Variants in TMEM63A observed in about 807,000 individuals in gnomAD.
The protein encoded by TMEM63A is transmembrane protein 63A.
A neutral mutation model predicts 100.6 loss-of-function variants in TMEM63A; 76 were observed. The ratio of observed to expected loss-of-function variants is 0.76; its 90% confidence interval spans 0.63 to 0.91. The LOEUF (loss-of-function observed/expected upper bound fraction) is 0.91. Among genes scored for constraint, TMEM63A ranks in the 40% least tolerant of loss-of-function variants. TMEM63A has a pLI of 0.00. For synonymous variants in TMEM63A, 401 were observed against 401.1 expected (o/e 1.00, Z 0.00); for missense variants, 876 against 1,008.8 (o/e 0.87, Z 1.78).
At chr1:225,840,673 C>T (rs2102765093), downstream of TMEM63A, among the ~76,000 whole-genome samples, 1 of 152,322 alleles carries the variant, frequency 6.6e-6, no homozygotes, top group Non-Finnish European at 1.5e-5. Context: ...GAGTCATTCG[C>T]ATTACCCTCA....
rs372366088 is a variant in TMEM63A, at chr1:225,856,726, G to C, written c.1497C>G (p.Asn499Lys). The C allele has an allele frequency of 1.1e-5, 18 of 1,613,488 alleles. No individual in the cohort carries two copies. The East Asian group carries it at 2.2e-4, about 20-fold the overall frequency. Residue 499 changes from asparagine to lysine, a missense_variant, in exon 17 of 25, where the codon AAC (asparagine) becomes AAG (lysine). Around this residue, in one of 5 missense-constraint regions of TMEM63A, gnomAD observed 487 missense variants for 581.9 expected, o/e 0.84. Transcript: ENST00000366835. ...TGTAGACTTTGGTCATCATGATCTG[G>C]TTTTCCCCCGACCTGCAGGAAGTCA... is the stretch of plus-strand genomic sequence containing the variant. ...LESHWTKSGE[N>K]QIMMTKVYIF...
downstream of TMEM63A, chr1:225,840,761 G>A (rs770859779): frequency 3.4e-4 from 52 of 153,946 alleles, 1 homozygote; most frequent in African/African-American, 5.1e-4. Flanking sequence ...ACGTCAGTCC[G>A]GAAGGTCTGC....
intron 8 of TMEM63A, 46 bp from the exon 9 acceptor site, chr1:225,866,728 G>T: frequency 6.3e-7 from 1 of 1,578,766 alleles, no homozygotes; most frequent in South Asian, 1.1e-5. Flanking sequence ...CCCAGGCAGG[G>T]AGCTGGGGGT....
At chr1:225,856,078 G>T in intron 17 of TMEM63A, 138 bp from the exon 18 acceptor site, 1 of 813,414 alleles carries the variant, frequency 1.2e-6, no homozygotes, top group Non-Finnish European at 2.0e-6. Flanking sequence ...CACTTACTAC[G>T]GCATGACCTG....
rs151265418 is a variant in TMEM63A, at chr1:225,874,305, C to T, written c.249G>A (p.Leu83=). The change falls in exon 4 of 25, where the codon CTG becomes CTA. Residue 83 remains leucine, a synonymous_variant. Coordinates refer to ENST00000366835, the MANE Select transcript of TMEM63A (RefSeq NM_014698.3). The stretch of plus-strand genomic sequence containing the variant: ...GTCTTTACCTGTCTGCTTCTGACAC[C>T]AGGGCAATGCGGCCATAGTCCCAGA... The part of the protein sequence containing the change: ...RRFWDYGRIA[L]VSEADSESRF... 4 of 1,613,962 alleles carry T rather than the reference C, an allele frequency of 2.5e-6. No homozygotes were observed. The highest frequency in any genetic ancestry group is 1.3e-5 in the African/African-American group (1 of 74,914).
chr1:225,852,256 G>A (rs1167649609), intron 20 of TMEM63A, among the ~76,000 whole-genome samples: 3 of 152,204 alleles, frequency 2.0e-5, no homozygotes, highest in Admixed American at 6.5e-5. Context: ...AGGCTGAGGC[G>A]GGTGGATCAC....
chr1:225,848,445 A>T, intron 23 of TMEM63A, 47 bp downstream of exon 23: 1 of 1,607,670 alleles, frequency 6.2e-7, no homozygotes, highest in Non-Finnish European at 8.5e-7. Flanking sequence ...TTACAACCAA[A>T]GCAAAAAAAA....
At chr1:225,845,534 G>C (rs1386748534), downstream of TMEM63A, 1 of 632,230 alleles carries the variant, frequency 1.6e-6, no homozygotes, top group East Asian at 2.7e-5. Context: ...AAGCAACATG[G>C]CTTTGATGAT....
At chr1:225,844,724 A>C, downstream of TMEM63A, 2 of 1,548,836 alleles carry the variant, frequency 1.3e-6, no homozygotes, top group Non-Finnish European at 1.7e-6. Context: ...GGATAAGTAT[A>C]GCCTTGCCTG....
intron 14 of TMEM63A, chr1:225,860,533 T>C (rs1340959064): frequency 3.3e-5 from 7 of 214,922 alleles, no homozygotes; most frequent in Non-Finnish European, 5.5e-5. Flanking sequence ...TTTGGATATA[T>C]TGGGCGAGAT....
rs1576118566 is a variant in TMEM63A, at chr1:225,877,013, T to C, written c.186+382A>G. The stretch of plus-strand genomic sequence containing the variant: ...GGAACAGGAGGTGACACTTGGGAAC[T>C]GCAGCTGCTCTATTCTAGTCCGTAC... On this transcript the variant is annotated intron_variant, in intron 3 of 24. Transcript: ENST00000366835. 3.3e-5 allele frequency among the ~76,000 whole-genome samples: 5 copies of C among 152,302 alleles called. No individual in the cohort carries two copies. In the South Asian group the frequency reaches 1.0e-3, roughly 32 times the overall value.
At chr1:225,863,927 AAAAAAAAAAAAAAC>A (rs1470692603) in intron 10 of TMEM63A, 2 of 149,126 alleles carry the variant, frequency 1.3e-5, no homozygotes, top group Non-Finnish European at 1.5e-5. Context: ...AAAAAAAAAA[AAAAAAAAAAAAAAC>A]CCAGCAAAAT....
chr1:225,842,243 G>A, downstream of TMEM63A: 2 of 763,128 alleles, frequency 2.6e-6, no homozygotes, highest in Non-Finnish European at 4.7e-6. Context: ...GCAGGCCTGT[G>A]CTCGAACGTG....
chr1:225,849,750 G>A (rs1428012501), intron 21 of TMEM63A, among the ~76,000 whole-genome samples, 162 bp downstream of exon 21: 1 of 152,084 alleles, frequency 6.6e-6, no homozygotes, highest in Non-Finnish European at 1.5e-5. Flanking sequence ...CTCATTCTGG[G>A]TACCACGTTC....
chr1:225,849,915 G>T lies in TMEM63A; in HGVS notation c.2068C>A (p.Leu690Met). The T allele has an allele frequency of 6.2e-7, 1 of 1,613,900 alleles. No homozygotes were observed. Among genetic ancestry groups the T allele is most frequent in the Non-Finnish European group, 8.5e-7 (1 of 1,179,920 alleles). The change falls in exon 21 of 25, where the codon CTG becomes ATG. Residue 690 changes from leucine (L) to methionine (M), a missense_variant. This residue lies in a region of TMEM63A where 339 missense variants were observed against 342.3 expected (regional missense o/e 0.99). Coordinates refer to ENST00000366835, the MANE Select transcript of TMEM63A (RefSeq NM_014698.3). ...FWLYFFSFLR[L>M]GMKAPATLFT... is the part of the protein sequence containing the mutation. The stretch of plus-strand genomic sequence containing the variant: ...CCAGGTCAGAAGGGCTGCTCACCCA[G>T]GCGCAGGAAGGAAAAGAAGTAGAGC...
chr1:225,852,890 G>T (rs1669422112), intron 19 of TMEM63A, 121 bp from the exon 20 acceptor site: 3 of 809,804 alleles, frequency 3.7e-6, no homozygotes, highest in Non-Finnish European at 4.1e-6. Context: ...GAGATGCGTG[G>T]CTCCCCGCCT....
chr1:225,874,015 C>T (rs1035523250), intron 4 of TMEM63A, among the ~76,000 whole-genome samples: 5 of 152,142 alleles, frequency 3.3e-5, no homozygotes, highest in African/African-American at 4.8e-5. Context: ...ATGAGGGTAG[C>T]GAGGCTGACC....
intron 2 of TMEM63A, among the ~76,000 whole-genome samples, chr1:225,878,231 G>GAGCT (rs1197881302): frequency 1.4e-5 from 2 of 139,270 alleles, no homozygotes; most frequent in Non-Finnish European, 3.2e-5. Flanking sequence ...TAAGGTTAAG[G>GAGCT]AGCTGGTCAG....
At chr1:225,866,526 C>T in intron 9 of TMEM63A, 48 bp downstream of exon 9, 11 of 1,566,994 alleles carry the variant, frequency 7.0e-6, no homozygotes, top group Non-Finnish European at 9.6e-6. Flanking sequence ...ACTCCGACTC[C>T]CACCTGAGTC....
Sources: allele counts gnomAD v4.1 joint callset (sites outside exome capture counted in the v4.1 genomes callset), GRCh38; gene constraint gnomAD v4.1.1; regional missense constraint gnomAD v4.1.1; transcripts MANE v1.5; gene names NCBI Gene and HGNC (gene_info 2026-07-23, HGNC 2026-07-21).